The following LAMC2 variants were observed in gnomAD, a reference collection of about 807,000 sequenced individuals.
LAMC2 encodes laminin subunit gamma 2.
A neutral mutation model predicts 140.2 loss-of-function variants in LAMC2; 97 were observed. The observed-to-expected ratio is 0.69, with a 90% CI of 0.59 to 0.82. The LOEUF is 0.82. Ranked by LOEUF, LAMC2 falls within the 40% of genes least tolerant of loss-of-function variation. The pLI is 0.00. For synonymous variants in LAMC2, 513 were observed against 540.2 expected (o/e 0.95, Z 0.70); for missense variants, 1,402 against 1,476.1 (o/e 0.95, Z 0.82).
chr1:183,234,400 A>G lies in LAMC2; in HGVS notation c.2254A>G (p.Asn752Asp). 6.2e-7 allele frequency: 1 copy of G among 1,614,144 alleles called. No individual in the cohort carries two copies. The highest frequency in any genetic ancestry group is 1.1e-5 in the South Asian group (1 of 91,066). ...IPASDHYVGP[N>D]GFKSLAQEAT... ...TGCCTCAGACCACTACGTGGGGCCA[A>G]ATGGCTTTAAAAGTCTGGCTCAGGA... is the stretch of plus-strand genomic sequence containing the variant. Residue 752 changes from asparagine (N) to aspartate (D), a missense_variant, in exon 15 of 23, where the codon AAT becomes GAT. By Grantham distance (23) the Asn-to-Asp change is conservative. This residue lies in a region of LAMC2 where 670 missense variants were observed against 667.2 expected (regional missense o/e 1.00). Transcript: ENST00000264144.
intron 1 of LAMC2, among the ~76,000 whole-genome samples, chr1:183,188,039 T>C (rs1658209096): frequency 6.6e-6 from 1 of 152,228 alleles, no homozygotes; most frequent in Non-Finnish European, 1.5e-5. Flanking sequence ...ATGCTATCAA[T>C]GCTATTTTAA....
chr1:183,192,149 T>G (rs1005826), intron 1 of LAMC2, among the ~76,000 whole-genome samples: 6,045 of 152,338 alleles, frequency 0.04, 158 homozygotes, highest in South Asian at 0.11. Context: ...CACTGATCTA[T>G]GGAAGAACCT....
intron 1 of LAMC2, 33 bp from the exon 2 acceptor site, chr1:183,207,848 T>C (rs1162530338): frequency 6.4e-7 from 1 of 1,573,124 alleles, no homozygotes; most frequent in East Asian, 2.2e-5. Flanking sequence ...TTTTTTTTTT[T>C]TTGACGATCT....
Position 183,243,366 on chromosome 1 carries a change from G to C in LAMC2, c.3548G>C (p.Gly1183Ala), listed in dbSNP as rs1210939290. ...LENIRDNLPP[G>A]CYNTQALEQQ ...AACATTAGGGACAACCTGCCCCCAG[G>C]CTGCTACAATACCCAGGCTCTTGAG... The change falls in exon 23 of 23, where the codon GGC becomes GCC. Residue 1183 changes from glycine (G) to alanine (A), a missense_variant. Physicochemically the swap from Gly to Ala is moderately conservative, Grantham distance 60. This residue lies in a region of LAMC2 where 670 missense variants were observed against 667.2 expected (regional missense o/e 1.00). Transcript: ENST00000264144. 1 of 1,614,104 alleles carries C rather than the reference G, an allele frequency of 6.2e-7. No individual in the cohort carries two copies. Among genetic ancestry groups the C allele is most frequent in the Non-Finnish European group, 8.5e-7 (1 of 1,180,046 alleles).
intron 1 of LAMC2, among the ~76,000 whole-genome samples, chr1:183,203,072 G>A (rs1161878821): frequency 6.6e-6 from 1 of 152,236 alleles, no homozygotes; most frequent in Admixed American, 6.5e-5. Flanking sequence ...AAAGTTGAGT[G>A]CAGAGATTTG....
chr1:183,238,111 C>T (rs939627538), intron 18 of LAMC2, among the ~76,000 whole-genome samples, 196 bp from the exon 19 acceptor site: 37 of 152,310 alleles, frequency 2.4e-4, no homozygotes, highest in Non-Finnish European at 3.7e-4. Flanking sequence ...TGATGGTGGA[C>T]TAGAGTTTCT....
At chr1:183,220,987 T>C in intron 5 of LAMC2, 26 bp downstream of exon 5, 3 of 1,611,922 alleles carry the variant, frequency 1.9e-6, no homozygotes, top group East Asian at 2.2e-5. Context: ...TTCTAGGTTT[T>C]AGTTTTTTAA....
At chr1:183,188,162 C>T (rs1658212318) in intron 1 of LAMC2, among the ~76,000 whole-genome samples, 1 of 152,222 alleles carries the variant, frequency 6.6e-6, no homozygotes, top group African/African-American at 2.4e-5. Flanking sequence ...CTCATTGCCA[C>T]TTTCCCCTTC....
chr1:183,225,789 G>T, intron 8 of LAMC2, 69 bp downstream of exon 8: 1 of 1,035,668 alleles, frequency 9.7e-7, no homozygotes. Context: ...GCTCTCTAAG[G>T]TGGCGGCAGT....
chr1:183,224,084 G>A (rs1463845657), intron 7 of LAMC2, among the ~76,000 whole-genome samples: 1 of 152,144 alleles, frequency 6.6e-6, no homozygotes, highest in Non-Finnish European at 1.5e-5. Flanking sequence ...TTTAGGGGTG[G>A]TGCATGTTCA....
intron 1 of LAMC2, among the ~76,000 whole-genome samples, chr1:183,198,728 T>C (rs553692572): frequency 1.9e-4 from 29 of 152,334 alleles, no homozygotes; most frequent in African/African-American, 7.0e-4. Context: ...GAGGCCTGCC[T>C]CATCGCCTTG....
At chr1:183,250,955 A>C in the LAMC2 span, 1 of 152,276 alleles carries the variant, frequency 6.6e-6, no homozygotes, top group Non-Finnish European at 1.5e-5. Flanking sequence ...AAAGTATCCT[A>C]ATACTCAGGG....
chr1:183,188,310 G>A (rs1658218997), intron 1 of LAMC2, among the ~76,000 whole-genome samples: 1 of 152,196 alleles, frequency 6.6e-6, no homozygotes, highest in African/African-American at 2.4e-5. Flanking sequence ...CTAGAAGTTG[G>A]ACTGAAAATA....
rs1456102874 is a variant in LAMC2, at chr1:183,245,096, T to G, written c.*1696T>G. On this transcript the variant is annotated 3_prime_UTR_variant, in exon 23 of 23. Coordinates refer to ENST00000264144, the MANE Select transcript of LAMC2 (RefSeq NM_005562.3). ...CAATGAGATTTTTATGAGGTTTAAC[T>G]GATGCTGTCTTCTAAGCATAAAGCT... Among the ~76,000 whole-genome samples the G allele has an allele frequency of 1.3e-5, 2 of 152,220 alleles. No homozygotes were observed. The highest frequency in any genetic ancestry group is 4.8e-5 in the African/African-American group (2 of 41,470).
At chr1:183,199,026 T>C (rs1658616139) in intron 1 of LAMC2, among the ~76,000 whole-genome samples, 1 of 152,030 alleles carries the variant, frequency 6.6e-6, no homozygotes, top group South Asian at 2.1e-4. Context: ...GTGTAATGTA[T>C]TGGGGAAATT....
downstream of LAMC2, among the ~76,000 whole-genome samples, chr1:183,245,268 T>C (rs530204829): frequency 2.9e-4 from 44 of 152,356 alleles, 1 homozygote; most frequent in Middle Eastern, 3.4e-3. Context: ...AATTAAGATC[T>C]TGAATTGGTC....
downstream of LAMC2, among the ~76,000 whole-genome samples, chr1:183,247,398 G>A (rs1660261445): frequency 6.6e-6 from 1 of 152,074 alleles, no homozygotes; most frequent in African/African-American, 2.4e-5. Context: ...AAAAAAGGCA[G>A]TGTTTAGCTT....
At chr1:183,222,986 A>G in intron 6 of LAMC2, 149 bp from the exon 7 acceptor site, 1 of 694,664 alleles carries the variant, frequency 1.4e-6, no homozygotes, top group Non-Finnish European at 2.6e-6. Flanking sequence ...AGCCATGTCC[A>G]GTACCAGGTC....
At chr1:183,221,449 C>T in intron 5 of LAMC2, among the ~76,000 whole-genome samples, 1 of 152,098 alleles carries the variant, frequency 6.6e-6, no homozygotes, top group East Asian at 1.9e-4. Context: ...TGGACCCGGG[C>T]CAAGCGTGGT....
Sources: gnomAD v4.1 joint callset for allele counts (sites outside exome capture counted in the v4.1 genomes callset) on GRCh38, gnomAD v4.1.1 for gene constraint, gnomAD v4.1.1 regional missense constraint, MANE v1.5 for transcripts, NCBI Gene and HGNC (gene_info 2026-07-23, HGNC 2026-07-21) for gene names.